Variants in KIAA1755 observed in about 807,000 individuals in gnomAD.
The protein encoded by KIAA1755 is KIAA1755, also known as uncharacterized protein KIAA1755.
A neutral mutation model predicts 91.7 loss-of-function variants in KIAA1755; 68 were observed. That is an observed-to-expected ratio of 0.74 (90% CI 0.61 to 0.91). KIAA1755 has a LOEUF of 0.91. Among genes scored for constraint, KIAA1755 ranks in the 40% least tolerant of loss-of-function variants. The pLI, the probability that KIAA1755 is intolerant of heterozygous loss-of-function variation, is 0.00. For missense variants in KIAA1755, 1,535 were observed against 1,494.4 expected (o/e 1.03, Z -0.45); for synonymous variants, 610 against 604.6 (o/e 1.01, Z -0.13).
chr20:38,256,258 C>T (rs1486160307), intron 1 of KIAA1755, among the ~76,000 whole-genome samples: 3 of 152,180 alleles, frequency 2.0e-5, no homozygotes, highest in Admixed American at 6.5e-5. Flanking sequence ...TCAACAACCT[C>T]GGGTGGCTCC....
intron 8 of KIAA1755, among the ~76,000 whole-genome samples, chr20:38,224,184 A>T (rs1393974259): frequency 6.6e-6 from 1 of 152,160 alleles, no homozygotes; most frequent in East Asian, 1.9e-4. Context: ...TAAACCCATT[A>T]ATATATGCAA....
chr20:38,251,804 G>T (rs191433370), intron 1 of KIAA1755, among the ~76,000 whole-genome samples: 1 of 152,138 alleles, frequency 6.6e-6, no homozygotes, highest in Non-Finnish European at 1.5e-5. Flanking sequence ...GACCTCAGGT[G>T]ATCCGCCCTC....
chr20:38,247,872 T>C (rs2076184277), intron 1 of KIAA1755, among the ~76,000 whole-genome samples: 1 of 152,174 alleles, frequency 6.6e-6, no homozygotes, highest in Non-Finnish European at 1.5e-5. Context: ...GAGGATCGCC[T>C]GAGGCTAGGA....
At chr20:38,224,732 C>G (rs761300284) in intron 8 of KIAA1755, among the ~76,000 whole-genome samples, 1 of 152,170 alleles carries the variant, frequency 6.6e-6, no homozygotes, top group Non-Finnish European at 1.5e-5. Flanking sequence ...AGAGAGGACC[C>G]GGGGCGGGCA....
At position 38,246,168 on chromosome 20, in the gene KIAA1755, T is replaced by C. The variant is rs758974316; in HGVS notation, c.4-42A>G. The C allele has an allele frequency of 1.2e-5, 19 of 1,544,370 alleles. No individual in the cohort carries two copies. In the East Asian group the frequency reaches 3.9e-4, roughly 32 times the overall value. ...GAGGGGGTGATAATAGCAATGATAATAAGGGCAGAGACCACTTCCCGTGAC... is the reference window on the plus strand; with the variant it reads ...GAGGGGGTGATAATAGCAATGATAACAAGGGCAGAGACCACTTCCCGTGAC... On this transcript the variant is annotated intron_variant, in intron 1 of 13. Transcript: ENST00000279024.
At chr20:38,256,611 C>G (rs1456731298) in intron 1 of KIAA1755, among the ~76,000 whole-genome samples, 1 of 152,106 alleles carries the variant, frequency 6.6e-6, no homozygotes, top group East Asian at 1.9e-4. Flanking sequence ...CAAGACCAGC[C>G]TAGGCAACAG....
chr20:38,245,786 C>A, intron 2 of KIAA1755, 143 bp downstream of exon 2: 2 of 699,890 alleles, frequency 2.9e-6, no homozygotes, highest in Non-Finnish European at 4.8e-6. Flanking sequence ...CCTGGGCAAG[C>A]AATGATACTT....
intron 1 of KIAA1755, among the ~76,000 whole-genome samples, chr20:38,257,785 C>T (rs1223573253): frequency 2.0e-5 from 3 of 152,134 alleles, no homozygotes; most frequent in Non-Finnish European, 4.4e-5. Flanking sequence ...TTACTCATCA[C>T]TCTGTTTAAC....
chr20:38,257,409 CA>C (rs2076356990), intron 1 of KIAA1755, among the ~76,000 whole-genome samples: 2 of 151,926 alleles, frequency 1.3e-5, no homozygotes, highest in Admixed American at 6.6e-5. Context: ...GGTAAAACCC[CA>C]TCTCTACTAA....
At chr20:38,216,055 G>T (rs559258271) in intron 13 of KIAA1755, among the ~76,000 whole-genome samples, 5 of 152,236 alleles carry the variant, frequency 3.3e-5, no homozygotes, top group South Asian at 4.1e-4. Context: ...ATAGGATCGG[G>T]GCGACAATAA....
intron 1 of KIAA1755, chr20:38,260,072 G>T: frequency 1.7e-6 from 1 of 583,074 alleles, no homozygotes; most frequent in Non-Finnish European, 2.5e-6. Context: ...TGCACTGCCT[G>T]GCTGGCCTGG....
rs1255584638 is a variant in KIAA1755 at position 38,210,614 on chromosome 20, GTTCT to G, written c.*2424_*2427del. 4 of 152,212 alleles carry G rather than the reference GTTCT, an allele frequency of 2.6e-5. No individual in the cohort carries two copies. The highest frequency in any genetic ancestry group is 9.6e-5 in the African/African-American group (4 of 41,452). The allele number at this position is 152,212 out of a possible 1,614,324, so 9.4% of individuals were successfully genotyped here. A position where few individuals can be genotyped will look rare whatever the true frequency, so the allele number is the denominator to read the frequency against. On this transcript the variant is annotated 3_prime_UTR_variant, in exon 14 of 14. Transcript: ENST00000279024. ...TGAGGGGAGAGATTGTTGGGGTACA[GTTCT>G]TTCTGGGGACAGAGGGATGCACAAG...
At chr20:38,215,702 G>A (rs576692188) in intron 13 of KIAA1755, among the ~76,000 whole-genome samples, 2 of 152,190 alleles carry the variant, frequency 1.3e-5, no homozygotes, top group Non-Finnish European at 2.9e-5. Flanking sequence ...GTTGGAGCAC[G>A]TTTGATCGAT....
At position 38,240,810 on chromosome 20, in the gene KIAA1755, C is replaced by T; in HGVS notation, c.1321G>A (p.Val441Met). 1 of 1,613,552 alleles carries T rather than the reference C, an allele frequency of 6.2e-7. No individual in the cohort carries two copies. Among genetic ancestry groups the T allele is most frequent in the Non-Finnish European group, 8.5e-7 (1 of 1,179,756 alleles). ...CTCCCATTTCTCTCTTTGGTCTTCA[C>T]CTCTATCTTTGTTTCAGAGGCTGCA... ...AAAASETKIE[V>M]KTKERNGRLP... The change falls in exon 3 of 14, where the codon GTG (valine) becomes ATG (methionine). Residue 441 changes from valine (V) to methionine (M), a missense_variant. Coordinates refer to ENST00000279024, the MANE Select transcript of KIAA1755 (RefSeq NM_001029864.2).
chr20:38,250,098 T>C (rs1276850962), intron 1 of KIAA1755, among the ~76,000 whole-genome samples: 1 of 152,270 alleles, frequency 6.6e-6, no homozygotes, highest in Admixed American at 6.5e-5. Context: ...GTTTAGCATC[T>C]CCTCATACCA....
chr20:38,256,112 A>G (rs141401454), intron 1 of KIAA1755, among the ~76,000 whole-genome samples: 372 of 152,338 alleles, frequency 2.4e-3, no homozygotes, highest in South Asian at 8.1e-3. Context: ...AAATGGTAGC[A>G]CTGGGGTATG....
In KIAA1755 at chr20:38,215,120, C is replaced by G. The variant is rs2075522415; in HGVS notation, c.2902-1377G>C. On this transcript the variant is annotated intron_variant, in intron 13 of 13. Transcript: ENST00000279024. ...CCATCATCTGTCTGTGTGTCCAGGA[C>G]TTGACCTTCCAGGCTAAGCTGGACA... 3.3e-5 allele frequency among the ~76,000 whole-genome samples: 5 copies of G among 152,362 alleles called. No individual in the cohort carries two copies. The South Asian group carries it at 1.0e-3, about 32-fold the overall frequency.
intron 7 of KIAA1755, among the ~76,000 whole-genome samples, chr20:38,226,627 A>C (rs2123123535): frequency 6.6e-6 from 1 of 152,308 alleles, no homozygotes; most frequent in East Asian, 1.9e-4. Context: ...GCCCTTACTC[A>C]TTACTGTGGT....
intron 1 of KIAA1755, among the ~76,000 whole-genome samples, chr20:38,246,510 C>G (rs556470726): frequency 6.6e-6 from 1 of 152,060 alleles, no homozygotes; most frequent in Non-Finnish European, 1.5e-5. Context: ...TTGGCATTGC[C>G]CCAGTCTGAC....
Sources: gnomAD v4.1 joint callset for allele counts (sites outside exome capture counted in the v4.1 genomes callset) on GRCh38, gnomAD v4.1.1 for gene constraint, MANE v1.5 for transcripts, NCBI Gene and HGNC (gene_info 2026-07-23, HGNC 2026-07-21) for gene names.